The following PDE1A variants were observed in gnomAD, a reference collection of about 807,000 sequenced individuals.
PDE1A encodes phosphodiesterase 1A, also known as dual specificity calcium/calmodulin-dependent 3',5'-cyclic nucleotide phosphodiesterase 1A.
PDE1A carries 35 observed loss-of-function variants against 61.7 expected under a neutral mutation model. That is an observed-to-expected ratio of 0.57 (90% CI 0.43 to 0.75). The LOEUF (loss-of-function observed/expected upper bound fraction) is 0.75. Ranked by LOEUF, PDE1A falls within the 30% of genes least tolerant of loss-of-function variation. PDE1A has a pLI of 0.00. For synonymous variants in PDE1A, 232 were observed against 213.2 expected (o/e 1.09, Z -0.77); for missense variants, 597 against 630.6 (o/e 0.95, Z 0.57).
the PDE1A span, among the ~76,000 whole-genome samples, chr2:182,649,534 C>T: frequency 1.3e-5 from 2 of 151,130 alleles, no homozygotes; most frequent in African/African-American, 4.9e-5. Context: ...CTTTGGGAGG[C>T]CAAGGTGGGA....
chr2:182,402,295 CA>C (rs1176184522), intron 1 of PDE1A, among the ~76,000 whole-genome samples: 4 of 152,120 alleles, frequency 2.6e-5, no homozygotes, highest in Non-Finnish European at 5.9e-5. Context: ...CTACAGTAAC[CA>C]AAACAGCCTT....
intron 1 of PDE1A, among the ~76,000 whole-genome samples, chr2:182,336,676 G>A (rs182975125): frequency 6.6e-6 from 1 of 152,178 alleles, no homozygotes; most frequent in East Asian, 1.9e-4. Context: ...TAGATGATGG[G>A]TTGATGGGTG....
At chr2:182,174,370 A>T (rs1196061) in intron 13 of PDE1A, among the ~76,000 whole-genome samples, 35 of 152,198 alleles carry the variant, frequency 2.3e-4, no homozygotes, top group African/African-American at 7.9e-4. Context: ...TGGTACTCAG[A>T]TAGATTACTT....
At chr2:182,574,090 A>G in the PDE1A span, among the ~76,000 whole-genome samples, 3 of 151,826 alleles carry the variant, frequency 2.0e-5, no homozygotes, top group African/African-American at 7.3e-5. Context: ...CCAAGTCCCA[A>G]AGGTGAAGAA....
chr2:182,194,613 G>T (rs944045177), intron 10 of PDE1A, among the ~76,000 whole-genome samples: 2 of 152,070 alleles, frequency 1.3e-5, no homozygotes, highest in Non-Finnish European at 2.9e-5. Context: ...TCTCAAGACT[G>T]CAAATTCTGG....
intron 2 of PDE1A, among the ~76,000 whole-genome samples, chr2:182,505,561 C>T (rs1396849516): frequency 2.0e-5 from 3 of 152,198 alleles, no homozygotes; most frequent in African/African-American, 4.8e-5. Flanking sequence ...TCCTCACTCA[C>T]ATGTCCGGTA....
At chr2:182,624,992 G>A in the PDE1A span, among the ~76,000 whole-genome samples, 63 of 152,032 alleles carry the variant, frequency 4.1e-4, no homozygotes, top group Non-Finnish European at 6.9e-4. Flanking sequence ...CAGTGTAATG[G>A]TATTAAAAAG....
chr2:182,327,476 T>C (rs1288184066), intron 1 of PDE1A, among the ~76,000 whole-genome samples: 6 of 152,048 alleles, frequency 3.9e-5, no homozygotes, highest in Non-Finnish European at 7.4e-5. Flanking sequence ...TTTTTGAAAA[T>C]ACTTTAAATT....
At chr2:182,297,154 A>G (rs1694940820) in intron 1 of PDE1A, among the ~76,000 whole-genome samples, 1 of 152,204 alleles carries the variant, frequency 6.6e-6, no homozygotes, top group African/African-American at 2.4e-5. Flanking sequence ...AATATGATAT[A>G]TTATGATCTA....
At chr2:182,694,414 C>T in the PDE1A span, among the ~76,000 whole-genome samples, 1 of 152,132 alleles carries the variant, frequency 6.6e-6, no homozygotes, top group Non-Finnish European at 1.5e-5. Flanking sequence ...AGTGAGTTTG[C>T]GCTGCACTTG....
rs4144788 is a variant in PDE1A, at chr2:182,250,557, C to T, written c.168-10265G>A. ...CAAGCTTACCAATTTATCTCAATAG[C>T]TTTTTTTTAAAAAAAAGTTTCCTGA... On this transcript the variant is annotated intron_variant, in intron 2 of 13. Transcript: ENST00000351439. 9.7e-5 allele frequency among the ~76,000 whole-genome samples: 12 copies of T among 123,576 alleles called. No homozygotes were observed. The East Asian group carries it at 3.6e-3, about 37-fold the overall frequency. The allele number at this position is 123,576 out of a possible 152,430, so 81.1% of individuals were successfully genotyped here. A position where few individuals can be genotyped will look rare whatever the true frequency, so the allele number is the denominator to read the frequency against.
At chr2:182,624,457 G>GT in the PDE1A span, among the ~76,000 whole-genome samples, 1 of 152,140 alleles carries the variant, frequency 6.6e-6, no homozygotes, top group South Asian at 2.1e-4. Flanking sequence ...AATGTATATG[G>GT]TAAGTCTTTA....
chr2:182,330,552 C>T (rs1697337888), intron 1 of PDE1A, among the ~76,000 whole-genome samples: 1 of 152,018 alleles, frequency 6.6e-6, no homozygotes, highest in African/African-American at 2.4e-5. Context: ...GCAAGCCCTT[C>T]TCTCAGCTGT....
chr2:182,394,939 G>A (rs1282293502), intron 1 of PDE1A, among the ~76,000 whole-genome samples: 2 of 152,148 alleles, frequency 1.3e-5, no homozygotes, highest in Non-Finnish European at 2.9e-5. Flanking sequence ...CTTGAAAGAC[G>A]CAGGGGTGGT....
chr2:182,657,971 C>A, the PDE1A span, among the ~76,000 whole-genome samples: 2 of 136,796 alleles, frequency 1.5e-5, no homozygotes, highest in East Asian at 4.6e-4. Context: ...ATCTACCCTG[C>A]AAGGCAGTTG....
intron 11 of PDE1A, among the ~76,000 whole-genome samples, chr2:182,187,723 G>C (rs1228999419): frequency 7.9e-6 from 1 of 126,364 alleles, no homozygotes; most frequent in East Asian, 2.3e-4. Context: ...TAAGTTCTAT[G>C]TTCTTTTTTT....
At position 182,187,970 on chromosome 2, in the gene PDE1A, TCCTGACCCGAGATCTA is replaced by T. The variant is rs529228841; in HGVS notation, c.1207+993_1207+1008del. Among the ~76,000 whole-genome samples the T allele has an allele frequency of 3.7e-3, 569 of 151,880 alleles. 2 individuals are homozygous for T. The highest frequency in any genetic ancestry group is 0.013 in the African/African-American group (540 of 41,380). Reference sequence around the variant, plus strand: ...CGTGTTAGCCAAGATGGTCTTGATCTCCTGACCCGAGATCTACCTGCCTCGGCCTCCCAAAGTGCTG... The same window carrying T: ...CGTGTTAGCCAAGATGGTCTTGATCTCCTGCCTCGGCCTCCCAAAGTGCTG... On this transcript the variant is annotated intron_variant, in intron 11 of 13. Coordinates refer to ENST00000351439, the Ensembl canonical transcript of PDE1A.
At chr2:182,150,064 T>C (rs748590019) in intron 13 of PDE1A, among the ~76,000 whole-genome samples, 1 of 152,168 alleles carries the variant, frequency 6.6e-6, no homozygotes, top group Non-Finnish European at 1.5e-5. Context: ...GAAATAGTGA[T>C]ATAAAATGAT....
chr2:182,242,817 C>G (rs1446653365), intron 2 of PDE1A, among the ~76,000 whole-genome samples: 1 of 151,878 alleles, frequency 6.6e-6, no homozygotes, highest in Non-Finnish European at 1.5e-5. Context: ...TTGCCAGCAC[C>G]AATAATCACA....
Sources: allele counts gnomAD v4.1 joint callset (sites outside exome capture counted in the v4.1 genomes callset), GRCh38; gene constraint gnomAD v4.1.1; transcripts MANE v1.5; gene names NCBI Gene and HGNC (gene_info 2026-07-23, HGNC 2026-07-21).